NEDD9: variants seen among roughly 807,000 people sequenced by gnomAD.
NEDD9 encodes enhancer of filamentation 1.
NEDD9 carries 26 observed loss-of-function variants against 76.6 expected under a neutral mutation model. The observed-to-expected ratio is 0.34, with a 90% confidence interval of 0.25 to 0.47. The LOEUF is 0.47. Ranked by LOEUF, NEDD9 falls within the 20% of genes least tolerant of loss-of-function variation. The pLI is 1.00. For synonymous variants in NEDD9, 392 were observed against 414.2 expected (o/e 0.95, Z 0.65); for missense variants, 937 against 1,058.5 (o/e 0.89, Z 1.59).
intron 1 of NEDD9, 116 bp downstream of exon 1, chr6:11,232,388 C>T (rs1759500778): frequency 8.2e-6 from 11 of 1,345,580 alleles, no homozygotes; most frequent in East Asian, 6.9e-5. Flanking sequence ...CGAGACTCAT[C>T]TTAGAACTCT....
chr6:11,280,376 T>A (rs1229886930), intron 3 of NEDD9, among the ~76,000 whole-genome samples: 1 of 152,170 alleles, frequency 6.6e-6, no homozygotes, highest in Non-Finnish European at 1.5e-5. Flanking sequence ...TTCATGTAAG[T>A]GAAGAGTTAG....
chr6:11,281,763 T>C (rs1315036081), intron 3 of NEDD9, among the ~76,000 whole-genome samples: 2 of 152,150 alleles, frequency 1.3e-5, no homozygotes, highest in African/African-American at 2.4e-5. Context: ...TTATTTTTAT[T>C]TTTATCTTGA....
chr6:11,249,319 A>C (rs539838542), intron 3 of NEDD9: 4 of 388,602 alleles, frequency 1.0e-5, no homozygotes, highest in African/African-American at 8.4e-5. Context: ...TTTTCTTCTT[A>C]TTTGTTAGAA....
At chr6:11,373,980 G>A (rs1469568058) in intron 1 of NEDD9, among the ~76,000 whole-genome samples, 1 of 152,092 alleles carries the variant, frequency 6.6e-6, no homozygotes, top group Non-Finnish European at 1.5e-5. Context: ...CAGCTTGCCA[G>A]CCTGCCTTGC....
chr6:11,306,538 T>C (rs1761189294), intron 2 of NEDD9, among the ~76,000 whole-genome samples: 1 of 152,230 alleles, frequency 6.6e-6, no homozygotes, highest in Non-Finnish European at 1.5e-5. Context: ...ATGTTTTGTA[T>C]GGATAGTAGA....
intron 3 of NEDD9, among the ~76,000 whole-genome samples, chr6:11,298,073 A>G (rs1168332257): frequency 6.6e-6 from 1 of 151,766 alleles, no homozygotes; most frequent in Non-Finnish European, 1.5e-5. Context: ...ACACCCAGCT[A>G]ATTTTTCTAT....
Position 11,251,772 on chromosome 6 carries a change from C to T in NEDD9, c.13-38045G>A, listed in dbSNP as rs565088959. The T allele has an allele frequency of 2.6e-5, 4 of 152,438 alleles. No individual in the cohort carries two copies. In the South Asian group the frequency reaches 8.3e-4, roughly 32 times the overall value. The allele number at this position is 152,438 out of a possible 1,614,324, so 9.4% of individuals were successfully genotyped here. ...AAAACAAGGAGCTGGCAAGGTTTAG[C>T]TGGAGAATATTGTCCTTTTTCTGGT... is the stretch of plus-strand genomic sequence containing the variant. On this transcript the variant is annotated intron_variant, in intron 3 of 3. Coordinates refer to the NEDD9 transcript ENST00000397378.
chr6:11,267,880 T>C (rs771485153), intron 3 of NEDD9, among the ~76,000 whole-genome samples: 1 of 152,172 alleles, frequency 6.6e-6, no homozygotes, highest in African/African-American at 2.4e-5. Context: ...AAGAATAGAT[T>C]GAATTTAAGT....
chr6:11,311,180 CAAATTCATATGTT>C (rs1761355342), intron 2 of NEDD9, among the ~76,000 whole-genome samples: 1 of 152,160 alleles, frequency 6.6e-6, no homozygotes, highest in African/African-American at 2.4e-5. Flanking sequence ...TGTGTACCCC[CAAATTCATATGTT>C]AAATTCCTAA....
chr6:11,284,381 C>A (rs1457040494), intron 3 of NEDD9, among the ~76,000 whole-genome samples: 1 of 145,232 alleles, frequency 6.9e-6, no homozygotes, highest in Non-Finnish European at 1.5e-5. Flanking sequence ...CGGTGAAACC[C>A]CGTCTCTACT....
chr6:11,238,946 G>C (rs1464618497), intron 3 of NEDD9, among the ~76,000 whole-genome samples: 2 of 152,130 alleles, frequency 1.3e-5, no homozygotes, highest in Admixed American at 1.3e-4. Context: ...GATTGCTTGA[G>C]CCCAGGAGTT....
Position 11,188,394 on chromosome 6 carries a change from CTT to C in NEDD9, c.1906-89_1906-88del. 2.6e-6 allele frequency: 3 copies of C among 1,137,456 alleles called. No individual in the cohort carries two copies. The South Asian group carries it at 3.7e-5, about 14-fold the overall frequency. The allele number at this position is 1,137,456 out of a possible 1,614,324, so 70.5% of individuals were successfully genotyped here. On this transcript the variant is annotated intron_variant, in intron 5 of 6. Transcript: ENST00000379446. Reference sequence around the variant, plus strand: ...TTTCATTGACGGATGAGTAAATACTCTTTATTTTCCACTGCCTTGGCAACATC... The same window carrying C: ...TTTCATTGACGGATGAGTAAATACTCTATTTTCCACTGCCTTGGCAACATC...
At position 11,239,537 on chromosome 6, in the gene NEDD9, G is replaced by A. The variant is rs143418641; in HGVS notation, c.13-25810C>T. Among the ~76,000 whole-genome samples, 888 of 152,266 alleles carry A rather than the reference G, an allele frequency of 5.8e-3. 11 individuals carry two copies. The highest frequency in any genetic ancestry group is 0.02 in the African/African-American group (847 of 41,530). ...GTTGAACTGGTCAAGCTCTTGGAAT[G>A]AATGAAAGTCTATTATTAGAGAAAA... On this transcript the variant is annotated intron_variant, in intron 3 of 3. Coordinates refer to the NEDD9 transcript ENST00000397378.
intron 2 of NEDD9, among the ~76,000 whole-genome samples, chr6:11,327,247 C>G (rs1318110966): frequency 6.6e-6 from 1 of 152,180 alleles, no homozygotes; most frequent in Admixed American, 6.5e-5. Context: ...CCACTAAGGA[C>G]CTCTTACTAA....
rs1398396588 is a variant in NEDD9, at chr6:11,370,632, C to T, written c.-214+11507G>A. 6.6e-6 allele frequency among the ~76,000 whole-genome samples: 1 copy of T among 152,236 alleles called. No individual in the cohort carries two copies. The highest frequency in any genetic ancestry group is 1.9e-4 in the East Asian group (1 of 5,206). ...ACTTCTGAGCAGGCTTCCCTGCTTACAGAGAGCTTCTTTCCCTGCCTGGTA... is the reference window on the plus strand; with the variant it reads ...ACTTCTGAGCAGGCTTCCCTGCTTATAGAGAGCTTCTTTCCCTGCCTGGTA... On this transcript the variant is annotated intron_variant, in intron 1 of 3. Transcript: ENST00000397378. This position sits in a 1 kb window ranked among gnomAD's most constrained non-coding sequence, Gnocchi z 4.2.
chr6:11,339,633 A>G (rs1320416105), intron 1 of NEDD9, among the ~76,000 whole-genome samples: 1 of 152,242 alleles, frequency 6.6e-6, no homozygotes, highest in African/African-American at 2.4e-5. Context: ...AATTGGACAC[A>G]TGTTATGCCA....
chr6:11,331,706 A>C (rs183126367), intron 2 of NEDD9, among the ~76,000 whole-genome samples: 21 of 152,336 alleles, frequency 1.4e-4, no homozygotes, highest in Middle Eastern at 3.4e-3. Context: ...CTGCCTGATC[A>C]TGAATCTTTG....
intron 2 of NEDD9, among the ~76,000 whole-genome samples, chr6:11,202,611 A>G (rs1364203912): frequency 1.3e-5 from 2 of 152,314 alleles, no homozygotes; most frequent in East Asian, 3.9e-4. Context: ...GGATTTATTA[A>G]TTCTCTGTAA....
At chr6:11,353,669 T>A (rs1023830600) in intron 1 of NEDD9, among the ~76,000 whole-genome samples, 2 of 152,116 alleles carry the variant, frequency 1.3e-5, no homozygotes, top group African/African-American at 4.8e-5. Context: ...CTAGTTAGAG[T>A]CCATAGGACT....
Sources: gnomAD v4.1 joint callset for allele counts (sites outside exome capture counted in the v4.1 genomes callset) on GRCh38, gnomAD v4.1.1 for gene constraint, Gnocchi (gnomAD v3.1) non-coding constraint, MANE v1.5 for transcripts, NCBI Gene and HGNC (gene_info 2026-07-23, HGNC 2026-07-21) for gene names.